TIPIN: variants seen among roughly 807,000 people sequenced by gnomAD.
TIPIN encodes the protein TIMELESS-interacting protein.
In TIPIN, 29 loss-of-function variants were observed where a neutral mutation model predicts 35.6. That is an observed-to-expected ratio of 0.82 (90% CI 0.61 to 1.11). TIPIN has a LOEUF of 1.11. TIPIN is among the 50% of genes most tolerant of loss of function. The pLI is 0.00. For missense variants in TIPIN, 296 were observed against 345.4 expected, an observed-to-expected ratio of 0.86 and a Z score of 1.13; for synonymous variants, 102 against 121.5, an observed-to-expected ratio of 0.84 and a Z score of 1.06.
Position 66,352,866 on chromosome 15 carries a change from G to A in TIPIN, c.82C>T (p.Pro28Ser), listed in dbSNP as rs200999398. 54 of 1,613,826 alleles carry A rather than the reference G, an allele frequency of 3.3e-5. No individual in the cohort carries two copies. The highest frequency in any genetic ancestry group is 4.0e-5 in the Non-Finnish European group (47 of 1,180,046). ...TCTTGTCTCTCTGGAGAGGCTGGAG[G>A]TGGGAAAGGAGGAAAAGTTTCATCT... Reference protein sequence around the residue: ...VEDETFPPFPPPASPERQDGE... With the variant: ...VEDETFPPFPSPASPERQDGE... The change falls in exon 2 of 8, where the codon CCT (proline) becomes TCT (serine). Residue 28 changes from proline (P) to serine (S), a missense_variant. Pro to Ser is a moderately conservative substitution (Grantham distance 74, BLOSUM62 -1). Transcript: ENST00000261881.
chr15:66,337,151 G>C lies in TIPIN; in HGVS notation c.713C>G (p.Thr238Arg), dbSNP rs750492896. The part of the protein sequence containing the change: ...DMLMNTPRAH[T>R]VEEVNTDEDQ... ...CTCATCAGTATTAACCTCTTCAACC[G>C]TGTGTGCCCTGGGTGTATTCATTAA... The change falls in exon 8 of 8, where the codon ACG (threonine) becomes AGG (arginine). Residue 238 changes from threonine (T) to arginine (R), a missense_variant. Coordinates refer to ENST00000261881, the MANE Select transcript of TIPIN (RefSeq NM_017858.3). 1 of 1,613,738 alleles carries C rather than the reference G, an allele frequency of 6.2e-7. No homozygotes were observed. Among genetic ancestry groups the C allele is most frequent in the South Asian group, 1.1e-5 (1 of 91,068 alleles).
At chr15:66,379,104 G>C (rs2093308564) in intron 1 of TIPIN, among the ~76,000 whole-genome samples, 2 of 151,836 alleles carry the variant, frequency 1.3e-5, no homozygotes, top group East Asian at 1.9e-4. Flanking sequence ...GCTCAGGCTG[G>C]TCTCAAACTC....
intron 1 of TIPIN, among the ~76,000 whole-genome samples, chr15:66,369,047 A>T (rs1056068830): frequency 6.6e-5 from 10 of 152,140 alleles, no homozygotes; most frequent in African/African-American, 2.4e-4. Flanking sequence ...CTAAAATTCT[A>T]AGATGAATTC....
intron 4 of TIPIN, among the ~76,000 whole-genome samples, chr15:66,350,520 G>A (rs1408370845): frequency 2.0e-5 from 3 of 151,634 alleles, no homozygotes; most frequent in Non-Finnish European, 4.4e-5. Context: ...CAGTAGAATC[G>A]CTTGAACCCA....
chr15:66,377,243 G>A (rs2093300528), intron 1 of TIPIN, among the ~76,000 whole-genome samples: 1 of 152,050 alleles, frequency 6.6e-6, no homozygotes, highest in South Asian at 2.1e-4. Flanking sequence ...CTCTAAGCGA[G>A]TAGAATTTTG....
chr15:66,360,322 T>C (rs1301765366), upstream of TIPIN, among the ~76,000 whole-genome samples: 1 of 152,130 alleles, frequency 6.6e-6, no homozygotes, highest in Non-Finnish European at 1.5e-5. Flanking sequence ...TGTAAAGATT[T>C]TGGCCGGGCA....
At chr15:66,356,210 T>TC (rs1324665634) in intron 1 of TIPIN, among the ~76,000 whole-genome samples, 1 of 151,966 alleles carries the variant, frequency 6.6e-6, no homozygotes, top group Non-Finnish European at 1.5e-5. Context: ...TGCCTCGATG[T>TC]CCCCCTTGGG....
rs184284903 is a variant in TIPIN at position 66,378,033 on chromosome 15, T to A, written c.-9+8574A>T. ...GCTAATTTTTTTTTTTTAAACAAAG[T>A]CTCACTCAGTCACCCAGGCTGGAGT... On this transcript the variant is annotated intron_variant, in intron 1 of 7. Coordinates refer to the TIPIN transcript ENST00000562124. 3.6e-3 allele frequency among the ~76,000 whole-genome samples: 549 copies of A among 151,778 alleles called. 2 individuals carry two copies. Among genetic ancestry groups the A allele is most frequent in the African/African-American group, 0.013 (525 of 41,396 alleles).
At chr15:66,349,530 C>T in intron 4 of TIPIN, 93 bp from the exon 5 acceptor site, 1 of 1,467,522 alleles carries the variant, frequency 6.8e-7, no homozygotes, top group Non-Finnish European at 9.2e-7. Context: ...ATGCCAAAAT[C>T]ACTGGGGTCA....
chr15:66,353,889 G>A (rs2093185901), intron 1 of TIPIN, among the ~76,000 whole-genome samples: 1 of 151,890 alleles, frequency 6.6e-6, no homozygotes, highest in Non-Finnish European at 1.5e-5. Flanking sequence ...AGGAGGCAGA[G>A]GCAGACGGAC....
chr15:66,371,700 G>T (rs188653171), intron 1 of TIPIN, among the ~76,000 whole-genome samples: 1 of 151,886 alleles, frequency 6.6e-6, no homozygotes, highest in Non-Finnish European at 1.5e-5. Context: ...GAATTTTTTA[G>T]TGGAGACGGG....
At chr15:66,375,528 T>TATATATATATATATA (rs1566986565) in intron 1 of TIPIN, among the ~76,000 whole-genome samples, 2 of 139,060 alleles carry the variant, frequency 1.4e-5, no homozygotes, top group African/African-American at 2.7e-5. Context: ...TATATATATA[T>TATATATATATATATA]TTCAAAAGCC....
intron 1 of TIPIN, among the ~76,000 whole-genome samples, chr15:66,380,921 GTATT>G (rs200978341): frequency 0.024 from 3,694 of 152,200 alleles, 69 homozygotes; most frequent in Non-Finnish European, 0.037. Flanking sequence ...TTCTTGTCCA[GTATT>G]TAATCATACG....
intron 6 of TIPIN, among the ~76,000 whole-genome samples, chr15:66,347,932 C>T (rs2093137864): frequency 6.6e-6 from 1 of 151,818 alleles, no homozygotes; most frequent in South Asian, 2.1e-4. Context: ...TTACCATACT[C>T]TAATTATATA....
upstream of TIPIN, among the ~76,000 whole-genome samples, chr15:66,361,286 T>C (rs1181740023): frequency 6.6e-6 from 1 of 150,418 alleles, no homozygotes; most frequent in African/African-American, 2.4e-5. Flanking sequence ...GATGGAGTCT[T>C]GCTCTGTCAC....
At chr15:66,349,235 T>A in intron 5 of TIPIN, 80 bp downstream of exon 5, 2 of 1,602,904 alleles carry the variant, frequency 1.2e-6, no homozygotes, top group Non-Finnish European at 1.7e-6. Flanking sequence ...AATGAACACT[T>A]TAAACAGCAA....
In TIPIN at chr15:66,336,882, C is replaced by A. The variant is rs769507228; in HGVS notation, c.*76G>T. 9.3e-5 allele frequency: 122 copies of A among 1,313,130 alleles called. No homozygotes were observed. Among genetic ancestry groups the A allele is most frequent in the Middle Eastern group, 5.4e-4 (2 of 3,684 alleles). The allele number at this position is 1,313,130 out of a possible 1,614,324, so 81.3% of individuals were successfully genotyped here. On this transcript the variant is annotated 3_prime_UTR_variant, in exon 8 of 8. Coordinates refer to ENST00000261881, the MANE Select transcript of TIPIN (RefSeq NM_017858.3). ...TTTTACTATCTAAGGATTTTCACTC[C>A]AAGAAGAAAAAATACATAGTAACGC...
upstream of TIPIN, among the ~76,000 whole-genome samples, chr15:66,360,893 G>A (rs2093228092): frequency 6.6e-6 from 1 of 152,174 alleles, no homozygotes; most frequent in Admixed American, 6.6e-5. Context: ...TTGAACCCAG[G>A]AGGCGGAGGT....
At position 66,352,176 on chromosome 15, in the gene TIPIN, A is replaced by C. The variant is rs770591880; in HGVS notation, c.165T>G (p.Pro55=). ...TATTTCTTTTAACTGTTCTCTTTGG[A>C]GGTACACGAACAGGTGCTCCATTTC... The part of the protein sequence containing the change: ...ESGNGAPVRV[P]PKRTVKRNIP... The change falls in exon 3 of 8, where the codon CCT becomes CCG. Residue 55 remains proline (P), a synonymous_variant. Transcript: ENST00000261881. 1 of 1,610,748 alleles carries C rather than the reference A, an allele frequency of 6.2e-7. No homozygotes were observed. The highest frequency in any genetic ancestry group is 1.7e-5 in the Admixed American group (1 of 59,414).
Sources: allele counts gnomAD v4.1 joint callset (sites outside exome capture counted in the v4.1 genomes callset), GRCh38; gene constraint gnomAD v4.1.1; transcripts MANE v1.5; gene names NCBI Gene and HGNC (gene_info 2026-07-23, HGNC 2026-07-21).